The following NAV2 variants were observed in gnomAD, a reference collection of about 807,000 sequenced individuals.
NAV2 encodes the protein neuron navigator 2.
In NAV2, 54 loss-of-function variants were observed where a neutral mutation model predicts 223.2. That is an observed-to-expected ratio of 0.24 (90% CI 0.19 to 0.30). NAV2 has a LOEUF of 0.30. Among genes scored for constraint, NAV2 ranks in the 10% least tolerant of loss-of-function variants. The probability of loss-of-function intolerance (pLI) is 1.00; values close to 1 mark genes in which losing one functional copy is unlikely to be tolerated. For synonymous variants in NAV2, 1,279 were observed against 1,239.3 expected, an observed-to-expected ratio of 1.03 and a Z score of -0.67; for missense variants, 2,806 against 3,147.5, an observed-to-expected ratio of 0.89 and a Z score of 2.60.
intron 10 of NAV2, among the ~76,000 whole-genome samples, chr11:19,954,694 T>G (rs995959966): frequency 1.3e-5 from 2 of 152,162 alleles, no homozygotes; most frequent in African/African-American, 4.8e-5. Flanking sequence ...ACCTTGTATC[T>G]TTTCCTTTAT....
At chr11:20,109,588 G>A (rs1009910002) in intron 36 of NAV2, among the ~76,000 whole-genome samples, 1 of 152,194 alleles carries the variant, frequency 6.6e-6, no homozygotes, top group African/African-American at 2.4e-5. Context: ...CATTTCAGAA[G>A]CTTCTCTCCT....
chr11:20,108,139 C>A (rs2062304126), intron 36 of NAV2, among the ~76,000 whole-genome samples: 1 of 152,252 alleles, frequency 6.6e-6, no homozygotes, highest in African/African-American at 2.4e-5. Flanking sequence ...GCAAAATATT[C>A]TCCTATCTGC....
intron 1 of NAV2, among the ~76,000 whole-genome samples, chr11:19,466,477 C>T (rs940984492): frequency 2.0e-5 from 3 of 152,216 alleles, no homozygotes; most frequent in African/African-American, 7.2e-5. Flanking sequence ...CCAAAGCCAG[C>T]TGCTGCTCAG....
At chr11:19,393,808 C>T (rs2729859) in intron 1 of NAV2, among the ~76,000 whole-genome samples, 13 of 151,466 alleles carry the variant, frequency 8.6e-5, no homozygotes, top group Admixed American at 1.3e-4. Context: ...GCAATTTGCT[C>T]GCCTTAAATT....
intron 20 of NAV2, among the ~76,000 whole-genome samples, chr11:20,064,449 G>A (rs2058908937): frequency 6.6e-6 from 1 of 152,176 alleles, no homozygotes; most frequent in African/African-American, 2.4e-5. Context: ...TTTCCCTGTG[G>A]CATTCCCAAG....
At chr11:19,592,489 TG>T (rs1438753125) in intron 1 of NAV2, among the ~76,000 whole-genome samples, 1 of 152,160 alleles carries the variant, frequency 6.6e-6, no homozygotes, top group Admixed American at 6.5e-5. Flanking sequence ...ATTATATTTT[TG>T]TCATTGCCCC....
chr11:19,616,189 C>T (rs1023756055), intron 1 of NAV2, among the ~76,000 whole-genome samples: 1 of 151,904 alleles, frequency 6.6e-6, no homozygotes, highest in Non-Finnish European at 1.5e-5. Context: ...GCCTACATGT[C>T]CTTCTTGGAG....
At chr11:19,605,789 A>G (rs1052913949) in intron 1 of NAV2, among the ~76,000 whole-genome samples, 1 of 152,184 alleles carries the variant, frequency 6.6e-6, no homozygotes, top group South Asian at 2.1e-4. Context: ...ATTTCTTTTC[A>G]TCAGATTTGG....
intron 1 of NAV2, among the ~76,000 whole-genome samples, chr11:19,394,811 G>C (rs765801472): frequency 1.4e-4 from 21 of 152,276 alleles, no homozygotes; most frequent in Non-Finnish European, 2.4e-4. Context: ...GTTCAAATGT[G>C]GCGGGGATTG....
chr11:19,567,873 C>A (rs2045316504), intron 1 of NAV2, among the ~76,000 whole-genome samples: 1 of 152,202 alleles, frequency 6.6e-6, no homozygotes, highest in Non-Finnish European at 1.5e-5. Flanking sequence ...CATCACTGAC[C>A]TTCTCCCCAG....
At chr11:19,542,329 G>A (rs530031324) in intron 1 of NAV2, among the ~76,000 whole-genome samples, 18 of 152,202 alleles carry the variant, frequency 1.2e-4, no homozygotes, top group Non-Finnish European at 2.1e-4. Flanking sequence ...CTCTAGGGTA[G>A]ATACTATAAT....
intron 1 of NAV2, among the ~76,000 whole-genome samples, chr11:19,492,030 T>C (rs1368493768): frequency 1.3e-5 from 2 of 152,058 alleles, no homozygotes; most frequent in African/African-American, 2.4e-5. Context: ...AGTCAAAACA[T>C]ATATAACATT....
chr11:19,784,274 G>A (rs949360805), intron 1 of NAV2, among the ~76,000 whole-genome samples: 1 of 151,124 alleles, frequency 6.6e-6, no homozygotes, highest in Non-Finnish European at 1.5e-5. Flanking sequence ...TGTAATCCCA[G>A]CTACTCAGGA....
At chr11:19,555,780 C>T (rs546910086) in intron 1 of NAV2, among the ~76,000 whole-genome samples, 2 of 152,206 alleles carry the variant, frequency 1.3e-5, no homozygotes, top group Non-Finnish European at 2.9e-5. Flanking sequence ...AATTTCTCAG[C>T]AATAGTGAAT....
chr11:19,351,043 T>G lies in NAV2; in HGVS notation c.75+16T>G, dbSNP rs371811414. ...TCAAAAGAGGGTAAGTGGCAGAACT[T>G]TGTTGGTTGATTGGATTATGGTGCT... On this transcript the variant is annotated intron_variant, in intron 1 of 37. Transcript: ENST00000360655. The G allele has an allele frequency of 1.9e-4, 285 of 1,538,600 alleles. 1 individual carries two copies. In the South Asian group the frequency reaches 3.3e-3, roughly 18 times the overall value.
intron 1 of NAV2, among the ~76,000 whole-genome samples, chr11:19,742,802 G>T (rs116931030): frequency 2.0e-5 from 3 of 152,358 alleles, no homozygotes; most frequent in Admixed American, 1.3e-4. Flanking sequence ...GCTCTGCACT[G>T]CTGTACCTGG....
At chr11:19,423,339 A>T (rs1031599329) in intron 1 of NAV2, among the ~76,000 whole-genome samples, 1 of 152,230 alleles carries the variant, frequency 6.6e-6, no homozygotes, top group Non-Finnish European at 1.5e-5. Context: ...TTGTTCATTC[A>T]TTCATTCTAC....
intron 1 of NAV2, among the ~76,000 whole-genome samples, chr11:19,435,557 T>C (rs918627171): frequency 1.3e-5 from 2 of 152,216 alleles, no homozygotes; most frequent in Admixed American, 1.3e-4. Flanking sequence ...GACATCTCTT[T>C]GACATTGATT....
intron 1 of NAV2, among the ~76,000 whole-genome samples, chr11:19,663,907 G>A (rs895211863): frequency 5.3e-5 from 8 of 152,164 alleles, no homozygotes; most frequent in African/African-American, 1.4e-4. Context: ...CAACCGTGTA[G>A]CATGTGACTA....
Sources: allele counts gnomAD v4.1 joint callset (sites outside exome capture counted in the v4.1 genomes callset), GRCh38; gene constraint gnomAD v4.1.1; transcripts MANE v1.5; gene names NCBI Gene and HGNC (gene_info 2026-07-23, HGNC 2026-07-21).